PTGER3: variants seen among roughly 807,000 people sequenced by gnomAD.
PTGER3 encodes prostaglandin E receptor 3, also known as prostaglandin E2 receptor EP3 subtype.
In PTGER3, 22 loss-of-function variants were observed where a neutral mutation model predicts 34.7. That is an observed-to-expected ratio of 0.63 (90% CI 0.45 to 0.91). The LOEUF (loss-of-function observed/expected upper bound fraction) is 0.91, where lower values mean the gene tolerates loss of function less well. PTGER3 is among the 40% of genes least tolerant of loss of function. The pLI is 0.00. For missense variants in PTGER3, 468 were observed against 519.4 expected (o/e 0.90, Z 0.96); for synonymous variants, 241 against 230.1 (o/e 1.05, Z -0.43).
intron 4 of PTGER3, among the ~76,000 whole-genome samples, chr1:70,887,162 AG>A (rs990564835): frequency 9.9e-5 from 15 of 152,178 alleles, no homozygotes; most frequent in African/African-American, 3.6e-4. Flanking sequence ...AACAGCTGAG[AG>A]GGGAAAGGAC....
intron 4 of PTGER3, among the ~76,000 whole-genome samples, chr1:70,863,571 A>G (rs1469345429): frequency 2.6e-5 from 4 of 152,252 alleles, no homozygotes; most frequent in Non-Finnish European, 4.4e-5. Context: ...GTCAAGATCC[A>G]TTCATGAGTT....
intron 2 of PTGER3, among the ~76,000 whole-genome samples, chr1:70,982,612 C>T (rs1431799283): frequency 6.6e-6 from 1 of 152,088 alleles, no homozygotes; most frequent in Non-Finnish European, 1.5e-5. Context: ...TAAAGACAAA[C>T]ATTTATTTCA....
chr1:70,895,562 C>T (rs1424694047), intron 4 of PTGER3, among the ~76,000 whole-genome samples: 2 of 152,110 alleles, frequency 1.3e-5, no homozygotes, highest in Non-Finnish European at 2.9e-5. Flanking sequence ...AATTCAGACT[C>T]CAGATGCTGC....
chr1:71,039,862 T>G (rs1231336338), intron 1 of PTGER3, among the ~76,000 whole-genome samples: 1 of 151,970 alleles, frequency 6.6e-6, no homozygotes, highest in Admixed American at 6.6e-5. Flanking sequence ...TACTATCCAG[T>G]AAAACATCAC....
chr1:70,904,870 C>A (rs1445284658), intron 4 of PTGER3, among the ~76,000 whole-genome samples: 1 of 152,114 alleles, frequency 6.6e-6, no homozygotes, highest in Admixed American at 6.5e-5. Context: ...TGTTAATCCC[C>A]AACATGATGG....
At chr1:70,991,788 T>G (rs1655504323) in intron 2 of PTGER3, among the ~76,000 whole-genome samples, 1 of 152,144 alleles carries the variant, frequency 6.6e-6, no homozygotes, top group Admixed American at 6.5e-5. Flanking sequence ...AAATAATTAT[T>G]TATGAGATAT....
chr1:71,023,683 C>A (rs1658628233), intron 1 of PTGER3, among the ~76,000 whole-genome samples: 1 of 151,896 alleles, frequency 6.6e-6, no homozygotes, highest in African/African-American at 2.4e-5. Flanking sequence ...ATCCCCATCT[C>A]TAAAACAGAA....
At chr1:70,982,758 T>A (rs1654508342) in intron 2 of PTGER3, among the ~76,000 whole-genome samples, 1 of 152,092 alleles carries the variant, frequency 6.6e-6, no homozygotes, top group African/African-American at 2.4e-5. Flanking sequence ...TAGGAGTAGT[T>A]ATCTCTGCTT....
downstream of PTGER3, among the ~76,000 whole-genome samples, chr1:70,966,186 T>G (rs985293073): frequency 6.6e-6 from 1 of 152,216 alleles, no homozygotes; most frequent in South Asian, 2.1e-4. Flanking sequence ...TTGTACAGGC[T>G]ATATATCTTC....
chr1:70,920,515 A>C (rs993506191), intron 4 of PTGER3, among the ~76,000 whole-genome samples: 1 of 152,206 alleles, frequency 6.6e-6, no homozygotes, highest in Non-Finnish European at 1.5e-5. Context: ...TAAAGTTATT[A>C]ATGATTAATT....
chr1:71,029,383 T>C (rs1442120927), intron 1 of PTGER3, among the ~76,000 whole-genome samples: 1 of 152,232 alleles, frequency 6.6e-6, no homozygotes, highest in African/African-American at 2.4e-5. Context: ...AATCTGGATT[T>C]GACCCCAAGA....
Position 71,010,710 on chromosome 1 carries a change from T to G in PTGER3, c.1077+1595A>C, listed in dbSNP as rs1358089255. The G allele has an allele frequency of 6.1e-6, 6 of 984,566 alleles. No homozygotes were observed. In the African/African-American group the frequency reaches 1.0e-4, roughly 17 times the overall value. The allele number at this position is 984,566 out of a possible 1,614,324, so 61.0% of individuals were successfully genotyped here. A position where few individuals can be genotyped will look rare whatever the true frequency, so the allele number is the denominator to read the frequency against. ...ATTTTAGTATAGTCTATTTATCACC[T>G]TTTCCAAAATTTAGATTAGTAGAAC... On this transcript the variant is annotated intron_variant, in intron 2 of 3. Transcript: ENST00000306666.
intron 4 of PTGER3, among the ~76,000 whole-genome samples, chr1:70,886,809 C>A (rs1208790056): frequency 6.6e-6 from 1 of 152,162 alleles, no homozygotes; most frequent in African/African-American, 2.4e-5. Context: ...TGGTTGAATT[C>A]ATGAATGAAT....
chr1:71,040,998 G>A (rs1295333099), intron 1 of PTGER3, among the ~76,000 whole-genome samples: 1 of 152,164 alleles, frequency 6.6e-6, no homozygotes, highest in Non-Finnish European at 1.5e-5. Context: ...AGAGCAGGGT[G>A]CAGGAATTCA....
At chr1:71,029,971 T>G (rs967532556) in intron 1 of PTGER3, among the ~76,000 whole-genome samples, 3 of 119,380 alleles carry the variant, frequency 2.5e-5, no homozygotes, top group African/African-American at 7.3e-5. Context: ...ACAAAATAAG[T>G]AAATAAATAA....
chr1:70,971,832 T>C (rs1557698917), intron 3 of PTGER3, 99 bp from the exon 4 acceptor site: 1 of 802,586 alleles, frequency 1.2e-6, no homozygotes, highest in Non-Finnish European at 1.9e-6. Context: ...AGTAATAAAT[T>C]TGTTTGCTTT....
At chr1:70,973,069 A>T (rs979252812) in intron 3 of PTGER3, among the ~76,000 whole-genome samples, 1 of 149,678 alleles carries the variant, frequency 6.7e-6, no homozygotes, top group Non-Finnish European at 1.5e-5. Context: ...GTTTCCCTTC[A>T]TTGGTTTTCT....
At chr1:70,976,527 A>G (rs1418254849) in intron 2 of PTGER3, among the ~76,000 whole-genome samples, 1 of 152,098 alleles carries the variant, frequency 6.6e-6, no homozygotes, top group African/African-American at 2.4e-5. Context: ...AAATTGCTGT[A>G]TATTGGGGAT....
chr1:70,992,291 T>G (rs148287972), intron 2 of PTGER3, among the ~76,000 whole-genome samples: 64 of 152,344 alleles, frequency 4.2e-4, no homozygotes, highest in African/African-American at 1.5e-3. Context: ...TCTAAGGAGC[T>G]ATGCAACTTT....
Sources: gnomAD v4.1 joint callset for allele counts (sites outside exome capture counted in the v4.1 genomes callset) on GRCh38, gnomAD v4.1.1 for gene constraint, MANE v1.5 for transcripts, NCBI Gene and HGNC (gene_info 2026-07-23, HGNC 2026-07-21) for gene names.